Variants in ANO1 observed in about 807,000 individuals in gnomAD.
ANO1 encodes anoctamin 1, also known as anoctamin-1.
ANO1 carries 59 observed loss-of-function variants against 124.0 expected under a neutral mutation model. The ratio of observed to expected loss-of-function variants is 0.48; its 90% CI spans 0.39 to 0.59. The LOEUF is 0.59. Among genes scored for constraint, ANO1 ranks in the 20% least tolerant of loss-of-function variants. The pLI is 0.00. For missense variants in ANO1, 1,059 were observed against 1,328.0 expected, an observed-to-expected ratio of 0.80 and a Z score of 3.15; for synonymous variants, 529 against 532.0, an observed-to-expected ratio of 0.99 and a Z score of 0.08.
intron 8 of ANO1, among the ~76,000 whole-genome samples, chr11:70,122,075 GTCTC>G (rs370051442): frequency 3.0e-5 from 2 of 66,912 alleles, no homozygotes; most frequent in South Asian, 5.9e-4. Flanking sequence ...ATCTGCCTCT[GTCTC>G]TCTCTCTCTC....
intron 11 of ANO1, among the ~76,000 whole-genome samples, chr11:70,133,744 C>A (rs1445391797): frequency 6.6e-6 from 1 of 152,236 alleles, no homozygotes; most frequent in Non-Finnish European, 1.5e-5. Context: ...TCCTGCTTGG[C>A]GCAGATATCC....
At position 70,167,223 on chromosome 11, in the gene ANO1, A is replaced by G. The variant is rs1353101477; in HGVS notation, c.2052-19A>G. On this transcript the variant is annotated intron_variant, in intron 20 of 25. Transcript: ENST00000355303. ...TTCACCCTCCTGCAAACCTAACTGC[A>G]TGATGTCTCATCTCTCAGGAAGATG... The G allele has an allele frequency of 3.1e-6, 5 of 1,613,566 alleles. No individual in the cohort carries two copies. The Admixed American group carries it at 5.0e-5, about 16-fold the overall frequency.
intron 19 of ANO1, 94 bp downstream of exon 19, chr11:70,163,434 T>C: frequency 1.4e-6 from 2 of 1,455,882 alleles, no homozygotes; most frequent in Admixed American, 3.6e-5. Flanking sequence ...GCAGCACATT[T>C]GTTCAGCAAA....
At chr11:70,069,191 T>C (rs1555009003) in intron 1 of ANO1, among the ~76,000 whole-genome samples, 1 of 152,220 alleles carries the variant, frequency 6.6e-6, no homozygotes, top group Admixed American at 6.5e-5. Flanking sequence ...CCATCCTCCC[T>C]GACCAAGGAA....
the ANO1 span, among the ~76,000 whole-genome samples, chr11:69,974,786 G>A: frequency 2.6e-5 from 4 of 152,164 alleles, no homozygotes; most frequent in Admixed American, 1.3e-4. Context: ...GCAGCCTTCC[G>A]GGCAGGAGAG....
intron 22 of ANO1, among the ~76,000 whole-genome samples, chr11:70,177,599 T>TC (rs964952025): frequency 2.4e-4 from 33 of 134,756 alleles, no homozygotes; most frequent in African/African-American, 6.0e-4. Flanking sequence ...TTTTTCTTTT[T>TC]TTTTTTTTTT....
At chr11:69,978,688 C>T in the ANO1 span, among the ~76,000 whole-genome samples, 7 of 152,196 alleles carry the variant, frequency 4.6e-5, no homozygotes, top group Admixed American at 3.9e-4. Flanking sequence ...GTAAACTAAT[C>T]TCCATGTGAG....
chr11:70,188,356 C>T lies in ANO1; in HGVS notation c.*352C>T. The T allele has an allele frequency of 3.9e-6, 1 of 258,360 alleles. No homozygotes were observed. Among genetic ancestry groups the T allele is most frequent in the East Asian group, 8.0e-5 (1 of 12,576 alleles). 16.0% of individuals were successfully genotyped at this position (258,360 alleles called of 1,614,324 possible). ...AAAGTGAGCAGAGGCCCGTAGAAAC[C>T]CTCCTCTGAATCCTCCTAATTCCTT... On this transcript the variant is annotated 3_prime_UTR_variant, in exon 26 of 26. Coordinates refer to ENST00000355303, the MANE Select transcript of ANO1 (RefSeq NM_018043.7).
chr11:70,115,498 G>A (rs955248275), intron 7 of ANO1, among the ~76,000 whole-genome samples: 4 of 151,848 alleles, frequency 2.6e-5, no homozygotes, highest in Non-Finnish European at 2.9e-5. Context: ...CCGTAGTCCC[G>A]GCTACTTGGG....
Position 70,095,081 on chromosome 11 carries a change from C to T in ANO1, c.441+6997C>T, listed in dbSNP as rs137918263. Among the ~76,000 whole-genome samples, 752 of 152,024 alleles carry T rather than the reference C, an allele frequency of 4.9e-3. 7 individuals carry two copies. The highest frequency in any genetic ancestry group is 0.016 in the African/African-American group (681 of 41,422). Reference sequence around the variant, plus strand: ...ATTAGCCGGGCGTGGTGGCTGGCGCCTGTAGTCCGAGCTACTCAGGAGGCT... The same window carrying T: ...ATTAGCCGGGCGTGGTGGCTGGCGCTTGTAGTCCGAGCTACTCAGGAGGCT... On this transcript the variant is annotated intron_variant, in intron 2 of 25. Transcript: ENST00000355303.
chr11:70,013,155 G>A (rs541639401), intron 1 of ANO1, among the ~76,000 whole-genome samples: 1 of 152,342 alleles, frequency 6.6e-6, no homozygotes, highest in African/African-American at 2.4e-5. Context: ...GAGAAAGTGT[G>A]TTAGGCAGAG....
chr11:70,140,462 C>T (rs1025635428), intron 11 of ANO1, among the ~76,000 whole-genome samples: 8 of 151,164 alleles, frequency 5.3e-5, no homozygotes, highest in African/African-American at 1.5e-4. Flanking sequence ...ACCCAGGAGG[C>T]GGAGGTTGCA....
intron 2 of ANO1, among the ~76,000 whole-genome samples, chr11:70,095,416 AAGAAAGAAAGAAAAG>A (rs2044897358): frequency 2.6e-5 from 1 of 37,740 alleles, no homozygotes; most frequent in African/African-American, 7.6e-5. Flanking sequence ...GAAAGAAAGA[AAGAAAGAAAGAAAAG>A]AAAAGAAAGA....
chr11:70,105,886 CG>C (rs2045514822), intron 5 of ANO1, 98 bp downstream of exon 5: 1 of 1,259,794 alleles, frequency 7.9e-7, no homozygotes, highest in African/African-American at 1.5e-5. Context: ...CGGTGGAAGC[CG>C]GCTCTAATTG....
chr11:69,980,913 G>A (rs1170476628), upstream of ANO1, among the ~76,000 whole-genome samples: 5 of 152,034 alleles, frequency 3.3e-5, no homozygotes, highest in African/African-American at 9.7e-5. Flanking sequence ...TTAGCTGGGT[G>A]TGGTGGCACA....
In ANO1 at chr11:70,138,803, C is replaced by G. The variant is rs189279881; in HGVS notation, c.1258+6724C>G. 2.4e-3 allele frequency among the ~76,000 whole-genome samples: 360 copies of G among 151,964 alleles called. 1 individual carries two copies. The highest frequency in any genetic ancestry group is 4.0e-3 in the Non-Finnish European group (274 of 67,978). On this transcript the variant is annotated intron_variant, in intron 11 of 25. Coordinates refer to ENST00000355303, the MANE Select transcript of ANO1 (RefSeq NM_018043.7). Reference sequence around the variant, plus strand: ...TTCTTTCCAACTTTTATTTTAGGCTCAGAGGTGACATGTGCTGATCTGTTA... The same window carrying G: ...TTCTTTCCAACTTTTATTTTAGGCTGAGAGGTGACATGTGCTGATCTGTTA...
chr11:70,052,543 T>C (rs1857367458), intron 1 of ANO1, among the ~76,000 whole-genome samples: 1 of 67,316 alleles, frequency 1.5e-5, no homozygotes, highest in African/African-American at 6.0e-5. Context: ...TTTTTTTTTT[T>C]TTTTTTTTTT....
intron 11 of ANO1, among the ~76,000 whole-genome samples, chr11:70,138,486 A>G (rs2047030736): frequency 1.3e-5 from 2 of 151,264 alleles, no homozygotes; most frequent in Admixed American, 1.3e-4. Context: ...AGCCTGGGCA[A>G]AAAGAGTGAA....
intron 22 of ANO1, 44 bp downstream of exon 22, chr11:70,171,083 C>G: frequency 6.3e-7 from 1 of 1,590,778 alleles, no homozygotes; most frequent in Non-Finnish European, 8.6e-7. Flanking sequence ...CGAGTGCGTG[C>G]TGGGTTTGGG....
Sources: allele counts gnomAD v4.1 joint callset (sites outside exome capture counted in the v4.1 genomes callset), GRCh38; gene constraint gnomAD v4.1.1; transcripts MANE v1.5; gene names NCBI Gene and HGNC (gene_info 2026-07-23, HGNC 2026-07-21).